The following PTGFR variants were observed in gnomAD, a reference collection of about 807,000 sequenced individuals.
The protein encoded by PTGFR is prostaglandin F2-alpha receptor.
Under a neutral mutation model 26.2 loss-of-function variants are expected in PTGFR, and 15 were observed. The observed-to-expected ratio is 0.57, with a 90% CI of 0.38 to 0.88. The LOEUF (loss-of-function observed/expected upper bound fraction) is 0.88, where lower values mean the gene tolerates loss of function less well. Among genes scored for constraint, PTGFR ranks in the 40% least tolerant of loss-of-function variants. The pLI is 0.00. For synonymous variants in PTGFR, 165 were observed against 151.1 expected, an observed-to-expected ratio of 1.09 and a Z score of -0.68; for missense variants, 369 against 427.2, an observed-to-expected ratio of 0.86 and a Z score of 1.20.
chr1:78,497,955 C>T, intron 2 of PTGFR: 1 of 1,554,808 alleles, frequency 6.4e-7, no homozygotes, highest in Non-Finnish European at 8.8e-7. Flanking sequence ...GTGAGTTTAC[C>T]CAAGAAATGT....
At chr1:78,510,716 G>A (rs944877555) in intron 2 of PTGFR, among the ~76,000 whole-genome samples, 3 of 152,102 alleles carry the variant, frequency 2.0e-5, no homozygotes, top group Non-Finnish European at 4.4e-5. Context: ...CTGCTCAAAA[G>A]TCTCAAGGCA....
chr1:78,518,684 C>G (rs1196355152), intron 2 of PTGFR, among the ~76,000 whole-genome samples: 1 of 151,006 alleles, frequency 6.6e-6, no homozygotes, highest in African/African-American at 2.4e-5. Flanking sequence ...ATTTAGACAC[C>G]CCTTATTTGG....
At position 78,540,305 on chromosome 1, in the gene PTGFR, A is replaced by G. The variant is rs1189415483; in HGVS notation, c.*3618A>G. Among the ~76,000 whole-genome samples, 1 of 152,166 alleles carries G rather than the reference A, an allele frequency of 6.6e-6. No individual in the cohort carries two copies. The highest frequency in any genetic ancestry group is 1.5e-5 in the Non-Finnish European group (1 of 68,018). On this transcript the variant is annotated 3_prime_UTR_variant, in exon 3 of 3. Coordinates refer to ENST00000370757, the MANE Select transcript of PTGFR (RefSeq NM_000959.4). ...AACTTCCCAGGGGGCAGCTAAGTGC[A>G]ATACTATATGTTAGGAAAACGGAAA...
intron 2 of PTGFR, among the ~76,000 whole-genome samples, chr1:78,531,281 G>A (rs1056857256): frequency 4.6e-5 from 7 of 152,158 alleles, no homozygotes; most frequent in African/African-American, 1.7e-4. Flanking sequence ...TTAAACAAGA[G>A]CAAGTCCTCT....
chr1:78,530,430 T>C (rs992589971), intron 2 of PTGFR, among the ~76,000 whole-genome samples: 1 of 152,282 alleles, frequency 6.6e-6, no homozygotes, highest in African/African-American at 2.4e-5. Flanking sequence ...GATGAGAGTG[T>C]GCTAGAATCA....
chr1:78,517,516 A>G (rs1650118578), intron 2 of PTGFR, among the ~76,000 whole-genome samples: 1 of 152,216 alleles, frequency 6.6e-6, no homozygotes, highest in Admixed American at 6.5e-5. Context: ...GTCCTGAGTG[A>G]CAAAAAGGAG....
chr1:78,533,884 T>C (rs1295590809), intron 2 of PTGFR, among the ~76,000 whole-genome samples: 4 of 152,172 alleles, frequency 2.6e-5, no homozygotes, highest in Non-Finnish European at 5.9e-5. Flanking sequence ...CCCAAATGAA[T>C]GGAGATTCAT....
chr1:78,527,745 C>T (rs1385819027), intron 2 of PTGFR, among the ~76,000 whole-genome samples: 1 of 152,082 alleles, frequency 6.6e-6, no homozygotes, highest in East Asian at 1.9e-4. Context: ...AACAAATAGA[C>T]AGCCACTATG....
chr1:78,516,235 A>G lies in PTGFR; in HGVS notation c.799-20171A>G, dbSNP rs181697848. Among the ~76,000 whole-genome samples, 814 of 152,320 alleles carry G rather than the reference A, an allele frequency of 5.3e-3. 13 individuals carry two copies. Among genetic ancestry groups the G allele is most frequent in the African/African-American group, 0.018 (764 of 41,566 alleles). ...AGAACGTAGATTTCCTTAGATGTGG[A>G]AAATATTTATGACTATGTATGTTCA... is the stretch of plus-strand genomic sequence containing the variant. On this transcript the variant is annotated intron_variant, in intron 2 of 2. Transcript: ENST00000370757.
rs1321509200 is a variant in PTGFR at position 78,491,157 on chromosome 1, C to A, written c.-152C>A. The A allele has an allele frequency of 2.0e-5, 3 of 152,396 alleles. No homozygotes were observed. The highest frequency in any genetic ancestry group is 7.2e-5 in the African/African-American group (3 of 41,472). The allele number at this position is 152,396 out of a possible 1,614,324, so 9.4% of individuals were successfully genotyped here. ...GGATCGGTGGAACTTGAGGCAGCGG[C>A]GGCGCGGGGCGCCATGGCACACCGA... On this transcript the variant is annotated 5_prime_UTR_variant, in exon 1 of 3. Transcript: ENST00000370757.
At chr1:78,495,476 A>C (rs1649524591) in intron 2 of PTGFR, among the ~76,000 whole-genome samples, 1 of 152,202 alleles carries the variant, frequency 6.6e-6, no homozygotes, top group South Asian at 2.1e-4. Flanking sequence ...TTGGTGAAAG[A>C]AATACAAAGA....
chr1:78,505,566 T>C (rs1413766643), intron 2 of PTGFR, among the ~76,000 whole-genome samples: 2 of 152,232 alleles, frequency 1.3e-5, no homozygotes, highest in Non-Finnish European at 2.9e-5. Context: ...ATTTACCATT[T>C]TAACCATTTT....
intron 2 of PTGFR, among the ~76,000 whole-genome samples, chr1:78,532,739 T>G (rs1196418117): frequency 3.3e-5 from 5 of 151,746 alleles, no homozygotes; most frequent in Admixed American, 3.3e-4. Flanking sequence ...GGCTAGTAAA[T>G]TCATTAATAT....
intron 2 of PTGFR, among the ~76,000 whole-genome samples, chr1:78,522,652 T>C (rs2100387141): frequency 6.6e-6 from 1 of 152,226 alleles, no homozygotes; most frequent in Middle Eastern, 3.4e-3. Flanking sequence ...TGGTTTTCAG[T>C]TTCTGTCTCT....
chr1:78,503,219 A>G (rs1196008977), intron 2 of PTGFR, among the ~76,000 whole-genome samples: 1 of 148,276 alleles, frequency 6.7e-6, no homozygotes, highest in East Asian at 1.9e-4. Flanking sequence ...GTAATAAAAT[A>G]TGAGTAGAAA....
rs544482600 is a variant in PTGFR, at chr1:78,536,642, T to A, written c.1035T>A (p.Ala345=). 1 of 1,613,024 alleles carries A rather than the reference T, an allele frequency of 6.2e-7. No homozygotes were observed. The highest frequency in any genetic ancestry group is 1.3e-5 in the African/African-American group (1 of 74,996). The change falls in exon 3 of 3, where the codon GCT becomes GCA. Residue 345 remains alanine (A), a synonymous_variant. Coordinates refer to ENST00000370757, the MANE Select transcript of PTGFR (RefSeq NM_000959.4). The stretch of plus-strand genomic sequence containing the variant: ...CCATTAAAAATTCCTTAAAGGTTGC[T>A]GCTATTTCTGAGTCACCAGTTGCAG... ...LSSIKNSLKV[A]AISESPVAEK...
At chr1:78,510,771 A>C (rs941115553) in intron 2 of PTGFR, among the ~76,000 whole-genome samples, 1 of 152,192 alleles carries the variant, frequency 6.6e-6, no homozygotes, top group African/African-American at 2.4e-5. Context: ...ATTTCATCTG[A>C]GACTCAAGTC....
At position 78,497,954 on chromosome 1, in the gene PTGFR, C is replaced by T. The variant is rs201915426; in HGVS notation, c.798+4413C>T. 361 of 1,560,508 alleles carry T rather than the reference C, an allele frequency of 2.3e-4. 3 individuals carry two copies. In the African/African-American group the frequency reaches 4.5e-3, roughly 19 times the overall value. On this transcript the variant is annotated intron_variant, in intron 2 of 2. Transcript: ENST00000370757. Reference sequence around the variant, plus strand: ...GTGATTTCTTACATAGGTGAGTTTACCCAAGAAATGTGTTCTCTTGCAAAT... The same window carrying T: ...GTGATTTCTTACATAGGTGAGTTTATCCAAGAAATGTGTTCTCTTGCAAAT...
chr1:78,524,649 A>G (rs527533810), intron 2 of PTGFR, among the ~76,000 whole-genome samples: 64 of 152,164 alleles, frequency 4.2e-4, no homozygotes, highest in African/African-American at 1.5e-3. Context: ...TGGGAATCAC[A>G]GTGTAATTTT....
Sources: gnomAD v4.1 joint callset for allele counts (sites outside exome capture counted in the v4.1 genomes callset) on GRCh38, gnomAD v4.1.1 for gene constraint, MANE v1.5 for transcripts, NCBI Gene and HGNC (gene_info 2026-07-23, HGNC 2026-07-21) for gene names.